The following INPP4B variants were observed in gnomAD, a reference collection of about 807,000 sequenced individuals.
INPP4B encodes inositol polyphosphate 4-phosphatase type II.
INPP4B carries 55 observed loss-of-function variants against 122.5 expected under a neutral mutation model. The ratio of observed to expected loss-of-function variants is 0.45; its 90% CI spans 0.36 to 0.56. The LOEUF (loss-of-function observed/expected upper bound fraction) is 0.56, where lower values mean the gene tolerates loss of function less well. INPP4B is among the 20% of genes least tolerant of loss of function. INPP4B has a pLI of 0.00. For missense variants in INPP4B, 1,000 were observed against 1,097.7 expected (o/e 0.91, Z 1.26); for synonymous variants, 403 against 388.7 (o/e 1.04, Z -0.43).
intron 9 of INPP4B, among the ~76,000 whole-genome samples, chr4:142,283,095 G>A (rs1242156923): frequency 1.3e-5 from 2 of 152,044 alleles, no homozygotes; most frequent in African/African-American, 4.8e-5. Context: ...AAATTAGGAG[G>A]AAGAGGAGAT....
At chr4:142,169,829 C>T (rs1034473708) in intron 16 of INPP4B, among the ~76,000 whole-genome samples, 3 of 151,524 alleles carry the variant, frequency 2.0e-5, no homozygotes, top group South Asian at 2.1e-4. Context: ...GCATCAAGTA[C>T]GATACCACAC....
At chr4:142,386,743 C>T (rs1796092185) in intron 7 of INPP4B, among the ~76,000 whole-genome samples, 1 of 152,188 alleles carries the variant, frequency 6.6e-6, no homozygotes, top group Non-Finnish European at 1.5e-5. Context: ...TCTAAATCTA[C>T]TGTGATTCTG....
At chr4:142,489,097 AT>A (rs2149773433) in intron 2 of INPP4B, among the ~76,000 whole-genome samples, 1 of 152,092 alleles carries the variant, frequency 6.6e-6, no homozygotes, top group South Asian at 2.1e-4. Flanking sequence ...TTTCTCTGGG[AT>A]TTCTTCTTTG....
At chr4:142,226,974 G>C (rs904593017) in intron 12 of INPP4B, among the ~76,000 whole-genome samples, 1 of 152,152 alleles carries the variant, frequency 6.6e-6, no homozygotes, top group Non-Finnish European at 1.5e-5. Context: ...CTTTAGACAC[G>C]TTGAGTTGGA....
intron 14 of INPP4B, among the ~76,000 whole-genome samples, chr4:142,196,330 A>T (rs1243602978): frequency 6.6e-6 from 1 of 152,172 alleles, no homozygotes; most frequent in Non-Finnish European, 1.5e-5. Context: ...AAACAAAATA[A>T]TCCAATTCCT....
At chr4:142,335,605 A>T (rs1195586554) in intron 7 of INPP4B, among the ~76,000 whole-genome samples, 1 of 152,226 alleles carries the variant, frequency 6.6e-6, no homozygotes, top group Non-Finnish European at 1.5e-5. Context: ...ATTCTCAAAT[A>T]ATAAAATGCA....
intron 2 of INPP4B, among the ~76,000 whole-genome samples, chr4:142,621,933 C>T (rs1580527015): frequency 6.6e-6 from 1 of 151,858 alleles, no homozygotes; most frequent in East Asian, 1.9e-4. Context: ...TTGTTAATAG[C>T]CTACTTTTAC....
chr4:142,742,269 T>TG (rs1330293556), intron 1 of INPP4B, among the ~76,000 whole-genome samples: 1 of 152,018 alleles, frequency 6.6e-6, no homozygotes, highest in African/African-American at 2.4e-5. Flanking sequence ...CTAGCATGAA[T>TG]GGGGGACATT....
At chr4:142,480,104 A>G (rs191232536) in intron 2 of INPP4B, among the ~76,000 whole-genome samples, 7 of 152,338 alleles carry the variant, frequency 4.6e-5, no homozygotes, top group African/African-American at 1.7e-4. Context: ...CAACAGATCT[A>G]CATGTGCCAA....
rs140209306 is a variant in INPP4B at position 142,295,892 on chromosome 4, AAC to A, written c.503+9564_503+9565del. Among the ~76,000 whole-genome samples, 1,063 of 152,316 alleles carry A rather than the reference AAC, an allele frequency of 7.0e-3. 7 individuals are homozygous for A. The highest frequency in any genetic ancestry group is 0.024 in the Middle Eastern group (7 of 294). On this transcript the variant is annotated intron_variant, in intron 9 of 25. Coordinates refer to ENST00000262992, the MANE Select transcript of INPP4B (RefSeq NM_001101669.3). ...ATATAAATGTGTCCAGTGAAGCAGA[AAC>A]ACAGTGATAATAATGAAACTGACTT...
intron 23 of INPP4B, among the ~76,000 whole-genome samples, chr4:142,090,120 T>TAATAAGCC (rs1445485968): frequency 1.3e-5 from 2 of 152,184 alleles, no homozygotes; most frequent in African/African-American, 4.8e-5. Context: ...GGAAATGTTT[T>TAATAAGCC]AATAAGCCAT....
intron 2 of INPP4B, among the ~76,000 whole-genome samples, chr4:142,576,572 C>G (rs116370141): frequency 1.3e-5 from 2 of 151,470 alleles, no homozygotes; most frequent in African/African-American, 4.8e-5. Flanking sequence ...GTAGAAATAC[C>G]AAAGCCATAA....
chr4:142,654,887 A>C (rs13131682), intron 2 of INPP4B, among the ~76,000 whole-genome samples: 19,687 of 152,204 alleles, frequency 0.13, 1,768 homozygotes, highest in Non-Finnish European at 0.2. Context: ...CAAATACCCA[A>C]GCCAGTCCAA....
chr4:142,213,628 C>G (rs1845801826), intron 12 of INPP4B, among the ~76,000 whole-genome samples: 1 of 152,198 alleles, frequency 6.6e-6, no homozygotes, highest in African/African-American at 2.4e-5. Flanking sequence ...CAACCCCATT[C>G]ACATGTCTCT....
intron 21 of INPP4B, among the ~76,000 whole-genome samples, chr4:142,121,422 A>G (rs1796504584): frequency 6.6e-6 from 1 of 152,134 alleles, no homozygotes; most frequent in African/African-American, 2.4e-5. Flanking sequence ...TGTTTTGAAC[A>G]TGACCCCAGA....
chr4:142,548,755 G>A (rs943138371), intron 2 of INPP4B, among the ~76,000 whole-genome samples: 11 of 129,086 alleles, frequency 8.5e-5, no homozygotes, highest in African/African-American at 3.4e-4. Context: ...GTGTCTGTGT[G>A]TGTGTGTGTG....
At chr4:142,360,575 T>C (rs796711268) in intron 7 of INPP4B, among the ~76,000 whole-genome samples, 2 of 152,074 alleles carry the variant, frequency 1.3e-5, no homozygotes, top group African/African-American at 2.4e-5. Context: ...AAATAATTAG[T>C]GCTAAAATCC....
At chr4:142,434,097 G>A (rs751689830) in intron 3 of INPP4B, among the ~76,000 whole-genome samples, 3 of 152,106 alleles carry the variant, frequency 2.0e-5, no homozygotes, top group Non-Finnish European at 4.4e-5. Flanking sequence ...TATAGAGACC[G>A]AGACGTGATA....
intron 1 of INPP4B, among the ~76,000 whole-genome samples, chr4:142,796,515 G>C (rs987194981): frequency 2.0e-5 from 3 of 151,912 alleles, no homozygotes; most frequent in Admixed American, 1.3e-4. Context: ...GCAGGCAAAA[G>C]GGATGCTGAA....
Sources: allele counts gnomAD v4.1 joint callset (sites outside exome capture counted in the v4.1 genomes callset), GRCh38; gene constraint gnomAD v4.1.1; transcripts MANE v1.5; gene names NCBI Gene and HGNC (gene_info 2026-07-23, HGNC 2026-07-21).